The following SIN3B variants were observed in gnomAD, a reference collection of about 807,000 sequenced individuals.
The protein encoded by SIN3B is SIN3 transcription regulator family member B, also known as paired amphipathic helix protein Sin3b.
Under a neutral mutation model 120.2 loss-of-function variants are expected in SIN3B, and 19 were observed. The ratio of observed to expected loss-of-function variants is 0.16; its 90% confidence interval spans 0.11 to 0.23. The LOEUF (loss-of-function observed/expected upper bound fraction) is 0.23. SIN3B is among the 10% of genes least tolerant of loss of function. The probability of loss-of-function intolerance (pLI) is 1.00; values close to 1 mark genes in which losing one functional copy is unlikely to be tolerated. For synonymous variants in SIN3B, 654 were observed against 653.2 expected (o/e 1.00, Z -0.02); for missense variants, 1,073 against 1,573.0 (o/e 0.68, Z 5.38).
At position 16,853,075 on chromosome 19, in the gene SIN3B, A is replaced by G. The variant is rs200050344; in HGVS notation, c.856A>G (p.Met286Val). Residue 286 changes from methionine (M) to valine (V), a missense_variant, in exon 7 of 19, where the codon ATG (methionine) becomes GTG (valine). Around this residue, in one of 7 missense-constraint regions of SIN3B, gnomAD observed 395 missense variants for 528.0 expected, o/e 0.75. Coordinates refer to ENST00000248054, the MANE Select transcript of SIN3B (RefSeq NM_001297595.2). ...ATAGAATTTCTCCCCACAGAAAAAA[A>G]TGAAACTTCGTGGTACCAAAGACCT... Reference protein sequence around the residue: ...RPVSAPAKKKMKLRGTKDLSI... With the variant: ...RPVSAPAKKKVKLRGTKDLSI... The G allele has an allele frequency of 4.8e-5, 78 of 1,613,972 alleles. No homozygotes were observed. The highest frequency in any genetic ancestry group is 8.9e-5 in the East Asian group (4 of 44,888).
rs2051602928 is a variant in SIN3B at position 16,876,138 on chromosome 19, G to A, written c.2676G>A (p.Gly892=). Residue 892 remains glycine (G), a synonymous_variant, in exon 15 of 19, where the codon GGG becomes GGA. Coordinates refer to ENST00000248054, the MANE Select transcript of SIN3B (RefSeq NM_001297595.2). The surrounding 1 kb of genome is among the most constrained non-coding windows in gnomAD (Gnocchi z 7.1). Reference sequence around the variant, plus strand: ...AGAAGAAGCGGGGTGCCGCTGGTGGGAACCTGTCCTCCCGCTGCGTCCGCG... The same window carrying A: ...AGAAGAAGCGGGGTGCCGCTGGTGGAAACCTGTCCTCCCGCTGCGTCCGCG... The part of the protein sequence containing the change: ...LNEKKRGAAG[G]NLSSRCVRAA... 2 of 1,610,618 alleles carry A rather than the reference G, an allele frequency of 1.2e-6. No individual in the cohort carries two copies. Among genetic ancestry groups the A allele is most frequent in the African/African-American group, 2.7e-5 (2 of 74,938 alleles).
At position 16,865,392 on chromosome 19, in the gene SIN3B, C is replaced by G; in HGVS notation, c.1384-18C>G. 6.4e-7 allele frequency: 1 copy of G among 1,572,330 alleles called. No homozygotes were observed. The highest frequency in any genetic ancestry group is 8.7e-7 in the Non-Finnish European group (1 of 1,145,992). ...GAGTTCCCCAGTGGCTGACCCCGTC[C>G]TGCCTTCCTTTCCATAGTTAGACGT... On this transcript the variant is annotated intron_variant, in intron 10 of 18. Coordinates refer to ENST00000248054, the MANE Select transcript of SIN3B (RefSeq NM_001297595.2).
At chr19:16,830,040 T>G (rs1447225323) in intron 2 of SIN3B, 143 bp downstream of exon 2, 2 of 606,440 alleles carry the variant, frequency 3.3e-6, no homozygotes, top group East Asian at 2.8e-5. Flanking sequence ...CCCTAGCTCC[T>G]TCTCGTAACA....
Position 16,878,815 on chromosome 19 carries a change from C to T in SIN3B, c.*88C>T, listed in dbSNP as rs557978958. The T allele has an allele frequency of 7.8e-4, 898 of 1,157,886 alleles. 7 individuals carry two copies. Among genetic ancestry groups the T allele is most frequent in the Middle Eastern group, 5.8e-3 (20 of 3,474 alleles). 71.7% of individuals were successfully genotyped at this position (1,157,886 alleles called of 1,614,324 possible). A position where few individuals can be genotyped will look rare whatever the true frequency, so the allele number is the denominator to read the frequency against. On this transcript the variant is annotated 3_prime_UTR_variant, in exon 19 of 19. Coordinates refer to ENST00000248054, the MANE Select transcript of SIN3B (RefSeq NM_001297595.2). ...GTGTCGGGGCCGTTTTCTTGAACGA[C>T]GTGAGAGGCATCTCCCAGCCCCTCT...
At chr19:16,871,850 G>A (rs1445771165) in intron 14 of SIN3B, among the ~76,000 whole-genome samples, 1 of 152,160 alleles carries the variant, frequency 6.6e-6, no homozygotes, top group East Asian at 1.9e-4. Flanking sequence ...GAGATTGTGA[G>A]CAATGCTGCT....
At chr19:16,836,102 G>A (rs187120007) in intron 3 of SIN3B, among the ~76,000 whole-genome samples, 5 of 152,212 alleles carry the variant, frequency 3.3e-5, no homozygotes, top group Admixed American at 6.5e-5. Flanking sequence ...AGCCTTTGGC[G>A]CAGGGTGTCT....
At chr19:16,869,387 G>A in intron 12 of SIN3B, 73 bp from the exon 13 acceptor site, 4 of 1,490,856 alleles carry the variant, frequency 2.7e-6, no homozygotes, top group Non-Finnish European at 3.6e-6. Context: ...TTAACAGCGA[G>A]TCGTGAATGG....
rs114354027 is a variant in SIN3B, at chr19:16,837,938, G to A, written c.382-3830G>A. 2.0e-3 allele frequency among the ~76,000 whole-genome samples: 303 copies of A among 152,214 alleles called. 2 individuals carry two copies. The highest frequency in any genetic ancestry group is 6.9e-3 in the African/African-American group (286 of 41,534). On this transcript the variant is annotated intron_variant, in intron 3 of 18. Coordinates refer to ENST00000248054, the MANE Select transcript of SIN3B (RefSeq NM_001297595.2). Reference sequence around the variant, plus strand: ...AGGCTCTGTTAATCAGTACCCAGGCGGGGCTGTGTGTGGATGCTCAGATGG... The same window carrying A: ...AGGCTCTGTTAATCAGTACCCAGGCAGGGCTGTGTGTGGATGCTCAGATGG...
intron 13 of SIN3B, among the ~76,000 whole-genome samples, 194 bp downstream of exon 13, chr19:16,870,269 C>A (rs576173165): frequency 6.6e-6 from 1 of 152,242 alleles, no homozygotes; most frequent in Admixed American, 6.5e-5. Flanking sequence ...CGCCCAGGCT[C>A]CCCTGGCCGT....
At chr19:16,870,928 T>C (rs1472403652) in intron 13 of SIN3B, among the ~76,000 whole-genome samples, 2 of 152,112 alleles carry the variant, frequency 1.3e-5, no homozygotes, top group Non-Finnish European at 2.9e-5. Flanking sequence ...TGAACTCAGG[T>C]GATCCGCCTG....
chr19:16,846,327 A>C (rs1971478237), intron 4 of SIN3B: 1 of 152,326 alleles, frequency 6.6e-6, no homozygotes, highest in East Asian at 1.9e-4. Flanking sequence ...GCGCCAGCAC[A>C]GGGATTCCTC....
At position 16,869,804 on chromosome 19, in the gene SIN3B, G is replaced by T. The variant is rs1462191054; in HGVS notation, c.2151G>T (p.Gly717=). Residue 717 remains glycine, a synonymous_variant, in exon 13 of 19, where the codon GGG becomes GGT. Coordinates refer to ENST00000248054, the MANE Select transcript of SIN3B (RefSeq NM_001297595.2). ...CCCCAGAGGAGAAGGGGGCCTTCGG[G>T]GATGCCCCGGCCACTGAGCAGCCAC... ...SSPPEEKGAF[G]DAPATEQPPL... is the part of the protein sequence containing the mutation. 1 of 1,613,726 alleles carries T rather than the reference G, an allele frequency of 6.2e-7. No homozygotes were observed. The highest frequency in any genetic ancestry group is 2.2e-5 in the East Asian group (1 of 44,878).
At chr19:16,842,347 T>C (rs1971428668) in intron 4 of SIN3B, among the ~76,000 whole-genome samples, 1 of 150,960 alleles carries the variant, frequency 6.6e-6, no homozygotes, top group South Asian at 2.1e-4. Context: ...AAACGACCCA[T>C]CCACCTCAGC....
intron 7 of SIN3B, 52 bp downstream of exon 7, chr19:16,853,210 G>A: frequency 6.5e-7 from 1 of 1,539,462 alleles, no homozygotes; most frequent in Non-Finnish European, 9.0e-7. Flanking sequence ...CAGCTGGCTG[G>A]GCCAATGCTC....
At position 16,878,724 on chromosome 19, in the gene SIN3B, C is replaced by A; in HGVS notation, c.3390C>A (p.Pro1130=). The A allele has an allele frequency of 6.3e-7, 1 of 1,595,360 alleles. No individual in the cohort carries two copies. The highest frequency in any genetic ancestry group is 8.5e-7 in the Non-Finnish European group (1 of 1,174,048). The change falls in exon 19 of 19, where the codon CCC becomes CCA. Residue 1130 remains proline, a synonymous_variant. Transcript: ENST00000248054. ...AGTACAGCCGCCGCCCGGCCTCGCC[C>A]TGACCCGCCCTCATGGGCACCGGGC... The part of the protein sequence containing the change: ...RVQYSRRPAS[P]
Position 16,865,437 on chromosome 19 carries a change from G to A in SIN3B, c.1411G>A (p.Ala471Thr). The change falls in exon 11 of 19, where the codon GCC becomes ACC. Residue 471 changes from alanine (A) to threonine (T), a missense_variant. Around this residue, in one of 7 missense-constraint regions of SIN3B, gnomAD observed 118 missense variants for 281.6 expected, o/e 0.42. Coordinates refer to ENST00000248054, the MANE Select transcript of SIN3B (RefSeq NM_001297595.2). ...ELDVVLETNL[A>T]TIRVLESVQK... ...AGACGTTGTCCTGGAGACGAACCTG[G>A]CCACAATCCGTGTGTTGGAAAGTGT... The A allele has an allele frequency of 6.2e-7, 1 of 1,606,268 alleles. No individual in the cohort carries two copies. The highest frequency in any genetic ancestry group is 8.5e-7 in the Non-Finnish European group (1 of 1,173,746).
At chr19:16,831,384 GT>G in intron 2 of SIN3B, 109 bp from the exon 3 acceptor site, 1 of 1,158,272 alleles carries the variant, frequency 8.6e-7, no homozygotes, top group Non-Finnish European at 1.2e-6. Context: ...AGGTTCCTTT[GT>G]TGTCTGTTGA....
In SIN3B at chr19:16,829,504, C is replaced by T. The variant is rs1971249706; in HGVS notation, c.84C>T (p.Arg28=). ...GGCTGAGCGGCGCCCGCTGGGGTCG[C>T]TCGGGCTCCGCAGGCCACGAGAAGC... The part of the protein sequence containing the change: ...GRGLSGARWG[R]SGSAGHEKLP... Residue 28 remains arginine (R), a synonymous_variant, in exon 1 of 19, where the codon CGC becomes CGT. Transcript: ENST00000248054. 8.2e-7 allele frequency: 1 copy of T among 1,224,618 alleles called. No individual in the cohort carries two copies. The highest frequency in any genetic ancestry group is 4.1e-5 in the South Asian group (1 of 24,584). The allele number at this position is 1,224,618 out of a possible 1,614,324, so 75.9% of individuals were successfully genotyped here.
chr19:16,865,172 T>C (rs1971747458), intron 10 of SIN3B: 1 of 514,618 alleles, frequency 1.9e-6, no homozygotes, highest in Non-Finnish European at 3.5e-6. Context: ...TGCACACCTA[T>C]ATTCCTAGCT....
Sources: allele counts gnomAD v4.1 joint callset (sites outside exome capture counted in the v4.1 genomes callset), GRCh38; gene constraint gnomAD v4.1.1; regional missense constraint gnomAD v4.1.1; non-coding constraint Gnocchi (gnomAD v3.1); transcripts MANE v1.5; gene names NCBI Gene and HGNC (gene_info 2026-07-23, HGNC 2026-07-21).